DYRK1A: variants seen among roughly 807,000 people sequenced by gnomAD.
The protein encoded by DYRK1A is dual specificity tyrosine-phosphorylation-regulated kinase 1A.
Under a neutral mutation model 79.7 loss-of-function variants are expected in DYRK1A, and 9 were observed. The observed-to-expected ratio is 0.11, with a 90% CI of 0.07 to 0.20. The LOEUF is 0.20. Among genes scored for constraint, DYRK1A ranks in the 10% least tolerant of loss-of-function variants. The pLI is 1.00. For missense variants in DYRK1A, 622 were observed against 956.0 expected, an observed-to-expected ratio of 0.65 and a Z score of 4.61; for synonymous variants, 349 against 329.7, an observed-to-expected ratio of 1.06 and a Z score of -0.63.
At chr21:37,409,746 C>T (rs2050210302) in intron 1 of DYRK1A, among the ~76,000 whole-genome samples, 1 of 152,012 alleles carries the variant, frequency 6.6e-6, no homozygotes, top group African/African-American at 2.4e-5. Flanking sequence ...ATCTTAAATG[C>T]TTTCTTCGAG....
At chr21:37,400,184 G>A (rs551354937) in intron 1 of DYRK1A, among the ~76,000 whole-genome samples, 1 of 152,216 alleles carries the variant, frequency 6.6e-6, no homozygotes, top group African/African-American at 2.4e-5. Flanking sequence ...CTCCTGCGAT[G>A]GTTGTGTTGT....
At chr21:37,420,418 G>T (rs1226967724) in intron 2 of DYRK1A, 34 bp downstream of exon 2, 3 of 1,608,292 alleles carry the variant, frequency 1.9e-6, no homozygotes, top group East Asian at 4.5e-5. Context: ...TAAAACTCTG[G>T]CTAAGAGAAT....
intron 2 of DYRK1A, among the ~76,000 whole-genome samples, chr21:37,429,211 T>TAGA (rs764751032): frequency 2.6e-5 from 4 of 152,234 alleles, no homozygotes; most frequent in Non-Finnish European, 1.5e-5. Context: ...GTCTGCTTTG[T>TAGA]AGAAGGTTAC....
intron 1 of DYRK1A, among the ~76,000 whole-genome samples, chr21:37,397,436 ACC>A (rs1246300535): frequency 2.0e-5 from 3 of 152,204 alleles, no homozygotes; most frequent in Non-Finnish European, 4.4e-5. Flanking sequence ...CCCTGATTAT[ACC>A]TTTGTCTCCT....
At chr21:37,405,911 G>C (rs1474917733) in intron 1 of DYRK1A, among the ~76,000 whole-genome samples, 4 of 152,088 alleles carry the variant, frequency 2.6e-5, no homozygotes, top group Admixed American at 2.6e-4. Context: ...CTATTCATGT[G>C]TGTTCAGTTA....
At chr21:37,424,705 A>G (rs1006455625) in intron 2 of DYRK1A, among the ~76,000 whole-genome samples, 6 of 152,172 alleles carry the variant, frequency 3.9e-5, no homozygotes, top group African/African-American at 1.2e-4. Context: ...TAAGTTAGGT[A>G]TCTCTTATTT....
chr21:37,467,029 TC>T (rs1218333095), intron 2 of DYRK1A, among the ~76,000 whole-genome samples: 5 of 149,442 alleles, frequency 3.3e-5, no homozygotes, highest in African/African-American at 1.2e-4. Context: ...AAATAGAAAA[TC>T]TGAATAGTCC....
chr21:37,512,329 C>G lies in DYRK1A; in HGVS notation c.2063C>G (p.Ala688Gly). The G allele has an allele frequency of 6.2e-7, 1 of 1,614,232 alleles. No individual in the cohort carries two copies. Among genetic ancestry groups the G allele is most frequent in the Non-Finnish European group, 8.5e-7 (1 of 1,180,044 alleles). The change falls in exon 12 of 12, where the codon GCT becomes GGT. Residue 688 changes from alanine (A) to glycine (G), a missense_variant. Ala to Gly is a moderately conservative substitution (Grantham distance 60). Around this residue, in one of 5 missense-constraint regions of DYRK1A, gnomAD observed 292 missense variants for 316.7 expected, o/e 0.92. Coordinates refer to ENST00000647188, the MANE Select transcript of DYRK1A (RefSeq NM_001347721.2). Reference sequence around the variant, plus strand: ...ACCTTGGACTTTGGACAGAATGGAGCTATGGACGTTAATTTGACCGTCTAC... The same window carrying G: ...ACCTTGGACTTTGGACAGAATGGAGGTATGGACGTTAATTTGACCGTCTAC... ...ANTLDFGQNG[A>G]MDVNLTVYSN...
At chr21:37,386,944 TC>T in intron 1 of DYRK1A, among the ~76,000 whole-genome samples, 1 of 152,292 alleles carries the variant, frequency 6.6e-6, no homozygotes, top group African/African-American at 2.4e-5. Flanking sequence ...CAGGAAAGAC[TC>T]ACTAGAAAGG....
intron 1 of DYRK1A, among the ~76,000 whole-genome samples, chr21:37,400,909 C>T (rs2050040640): frequency 6.6e-6 from 1 of 152,128 alleles, no homozygotes; most frequent in Admixed American, 6.5e-5. Context: ...CTTTGGGAGG[C>T]TGAGGTGGGC....
chr21:37,514,043 A>G lies in DYRK1A; in HGVS notation c.*1512A>G, dbSNP rs2053834180. The G allele has an allele frequency of 6.5e-6, 1 of 152,680 alleles. No homozygotes were observed. The highest frequency in any genetic ancestry group is 1.5e-5 in the Non-Finnish European group (1 of 68,050). 9.5% of individuals were successfully genotyped at this position (152,680 alleles called of 1,614,324 possible). A position where few individuals can be genotyped will look rare whatever the true frequency, so the allele number is the denominator to read the frequency against. On this transcript the variant is annotated 3_prime_UTR_variant, in exon 12 of 12. Transcript: ENST00000647188. The stretch of plus-strand genomic sequence containing the variant: ...TTGACATCTAATTCAAGATTACAAC[A>G]TCTGTTACATTCTAAGTGTGTTCAG...
At chr21:37,373,185 A>G (rs1203144302) in intron 1 of DYRK1A, among the ~76,000 whole-genome samples, 3 of 152,186 alleles carry the variant, frequency 2.0e-5, no homozygotes, top group Non-Finnish European at 4.4e-5. Context: ...AGTATCCTGT[A>G]TGCCAGATAT....
In DYRK1A at chr21:37,401,229, A is replaced by G. The variant is rs1382416896; in HGVS notation, c.-76-19070A>G. ...AGGTAGTTAATTTTGGACTGGTCTA[A>G]TATAGCCCATTGTGAATAAAATATA... On this transcript the variant is annotated intron_variant, in intron 1 of 11. Transcript: ENST00000647188. 3.3e-5 allele frequency among the ~76,000 whole-genome samples: 5 copies of G among 152,180 alleles called. No homozygotes were observed. The East Asian group carries it at 5.8e-4, about 18-fold the overall frequency.
intron 2 of DYRK1A, chr21:37,464,176 G>T: frequency 3.0e-6 from 1 of 333,990 alleles, no homozygotes; most frequent in South Asian, 2.4e-5. Flanking sequence ...CATGCTTTTT[G>T]TATTTGCTGT....
intron 1 of DYRK1A, chr21:37,375,130 C>T (rs2049511592): frequency 6.6e-6 from 1 of 152,108 alleles, no homozygotes; most frequent in African/African-American, 2.4e-5. Context: ...AAGTATGTGG[C>T]TTTTAATGTG....
chr21:37,417,529 CTTTTTTTT>C (rs3216074), intron 1 of DYRK1A, among the ~76,000 whole-genome samples: 19 of 44,048 alleles, frequency 4.3e-4, no homozygotes, highest in Middle Eastern at 0.013. Flanking sequence ...TTTTCTTTTT[CTTTTTTTT>C]TTTTTTTTTT....
intron 1 of DYRK1A, among the ~76,000 whole-genome samples, chr21:37,372,854 T>A (rs1188544092): frequency 6.6e-6 from 1 of 152,162 alleles, no homozygotes; most frequent in African/African-American, 2.4e-5. Flanking sequence ...TCCTTGGCCA[T>A]GCATTCTTTT....
Position 37,472,666 on chromosome 21 carries a change from T to C in DYRK1A, c.11-18T>C, listed in dbSNP as rs2052264394. ...AGGATATGAATATTTCCTTTAAACC[T>C]CACTTATCTTCTTGTAGGAGGAGAG... is the stretch of plus-strand genomic sequence containing the variant. On this transcript the variant is annotated intron_variant, in intron 2 of 11. Transcript: ENST00000647188. The C allele has an allele frequency of 7.7e-6, 12 of 1,557,420 alleles. No homozygotes were observed. The highest frequency in any genetic ancestry group is 1.7e-4 in the Middle Eastern group (1 of 5,856).
At chr21:37,371,432 TC>T (rs2049427533) in intron 1 of DYRK1A, among the ~76,000 whole-genome samples, 1 of 152,206 alleles carries the variant, frequency 6.6e-6, no homozygotes, top group Non-Finnish European at 1.5e-5. Context: ...AAATCCTACT[TC>T]CAGAGTACTA....
Sources: allele counts gnomAD v4.1 joint callset (sites outside exome capture counted in the v4.1 genomes callset), GRCh38; gene constraint gnomAD v4.1.1; regional missense constraint gnomAD v4.1.1; transcripts MANE v1.5; gene names NCBI Gene and HGNC (gene_info 2026-07-23, HGNC 2026-07-21).